Variants in CFAP95 observed in about 807,000 individuals in gnomAD.
CFAP95 encodes cilia- and flagella-associated protein 95.
At chr9:69,902,406 G>T in the CFAP95 span, 1 of 426,020 alleles carries the variant, frequency 2.3e-6, no homozygotes, top group Non-Finnish European at 4.6e-6. Context: ...GGATTACAAG[G>T]ATATTGTCTT....
the CFAP95 span, among the ~76,000 whole-genome samples, chr9:69,824,009 T>A: frequency 2.0e-5 from 3 of 152,214 alleles, no homozygotes; most frequent in African/African-American, 7.2e-5. Flanking sequence ...ATATGATGGC[T>A]TAGTTTGGGC....
chr9:69,881,603 T>C, the CFAP95 span, among the ~76,000 whole-genome samples: 1 of 152,210 alleles, frequency 6.6e-6, no homozygotes. Flanking sequence ...AATGTGACTC[T>C]TGCAGTTTTG....
At chr9:69,906,203 C>T in the CFAP95 span, 1 of 1,312,410 alleles carries the variant, frequency 7.6e-7, no homozygotes, top group South Asian at 1.5e-5. Context: ...GATTTTCTAT[C>T]TTAATAAATG....
chr9:69,883,078 A>C, the CFAP95 span, among the ~76,000 whole-genome samples: 491 of 152,102 alleles, frequency 3.2e-3, 5 homozygotes, highest in African/African-American at 0.011. Context: ...ATGTCCTGGG[A>C]TTTTCTTTAC....
the CFAP95 span, among the ~76,000 whole-genome samples, chr9:69,838,364 G>A: frequency 2.0e-5 from 3 of 151,462 alleles, no homozygotes; most frequent in Admixed American, 2.0e-4. Flanking sequence ...CTACCCATGA[G>A]CATGGAATGT....
At chr9:69,898,548 G>A in the CFAP95 span, among the ~76,000 whole-genome samples, 1 of 152,200 alleles carries the variant, frequency 6.6e-6, no homozygotes, top group African/African-American at 2.4e-5. Context: ...ATGAAGGTAG[G>A]CTGAAGACAT....
the CFAP95 span, among the ~76,000 whole-genome samples, chr9:69,903,064 G>A: frequency 6.6e-6 from 1 of 152,238 alleles, no homozygotes; most frequent in Admixed American, 6.5e-5. Flanking sequence ...TGGCTTCCAT[G>A]TTCTAAAAAG....
the CFAP95 span, among the ~76,000 whole-genome samples, chr9:69,867,532 T>TC: frequency 6.6e-6 from 1 of 152,188 alleles, no homozygotes; most frequent in South Asian, 2.1e-4. Flanking sequence ...AGCACTTTTT[T>TC]CCCTCCCTGA....
At chr9:69,859,921 G>T in the CFAP95 span, among the ~76,000 whole-genome samples, 1 of 152,074 alleles carries the variant, frequency 6.6e-6, no homozygotes, top group Non-Finnish European at 1.5e-5. Context: ...ACATAAAAAA[G>T]TACAGTAAAA....
At chr9:69,841,686 T>C in the CFAP95 span, among the ~76,000 whole-genome samples, 1 of 152,174 alleles carries the variant, frequency 6.6e-6, no homozygotes, top group Non-Finnish European at 1.5e-5. Context: ...AGAGGTTTAA[T>C]TGACTCACAG....
chr9:69,835,687 A>G, the CFAP95 span, among the ~76,000 whole-genome samples: 1 of 152,250 alleles, frequency 6.6e-6, no homozygotes, highest in Non-Finnish European at 1.5e-5. Flanking sequence ...AATGTGTCAG[A>G]CCAAGATCAC....
At chr9:69,896,686 C>T in the CFAP95 span, among the ~76,000 whole-genome samples, 3 of 152,076 alleles carry the variant, frequency 2.0e-5, no homozygotes, top group African/African-American at 7.2e-5. Flanking sequence ...GCCAATTATT[C>T]TTATGTTTGT....
At chr9:69,830,586 T>C in the CFAP95 span, among the ~76,000 whole-genome samples, 1 of 152,244 alleles carries the variant, frequency 6.6e-6, no homozygotes, top group African/African-American at 2.4e-5. Context: ...AAATCTTGTG[T>C]AGAGATTAGA....
chr9:69,885,291 A>G, the CFAP95 span, among the ~76,000 whole-genome samples: 1 of 63,294 alleles, frequency 1.6e-5, no homozygotes, highest in African/African-American at 4.0e-5. Flanking sequence ...CAGTCCCATA[A>G]TATTGCCAGG....
the CFAP95 span, among the ~76,000 whole-genome samples, chr9:69,833,733 A>C: frequency 2.0e-5 from 3 of 152,104 alleles, no homozygotes; most frequent in Non-Finnish European, 4.4e-5. Context: ...TTTTGCCAAA[A>C]ATTTATTTGC....
At chr9:69,861,931 C>A in the CFAP95 span, among the ~76,000 whole-genome samples, 1 of 152,098 alleles carries the variant, frequency 6.6e-6, no homozygotes, top group African/African-American at 2.4e-5. Flanking sequence ...CCACTCCACT[C>A]CCCATAACTT....
the CFAP95 span, among the ~76,000 whole-genome samples, chr9:69,860,759 C>T: frequency 6.6e-6 from 1 of 151,778 alleles, no homozygotes; most frequent in Non-Finnish European, 1.5e-5. Context: ...AAACTTTTTT[C>T]TTAAAAACAA....
At chr9:69,836,233 A>T in the CFAP95 span, among the ~76,000 whole-genome samples, 1 of 152,084 alleles carries the variant, frequency 6.6e-6, no homozygotes, top group African/African-American at 2.4e-5. Flanking sequence ...TGGCTGCTCC[A>T]TGAAGCACTT....
chr9:69,857,931 G>C, the CFAP95 span: 1 of 1,614,054 alleles, frequency 6.2e-7, no homozygotes, highest in Non-Finnish European at 8.5e-7. Flanking sequence ...GCCTGCCACA[G>C]GTTTTGGAGC....
Sources: allele counts gnomAD v4.1 joint callset (sites outside exome capture counted in the v4.1 genomes callset), GRCh38; gene constraint gnomAD v4.1.1; transcripts MANE v1.5; gene names NCBI Gene and HGNC (gene_info 2026-07-23, HGNC 2026-07-21).